Variants in ARHGAP10 observed in about 807,000 individuals in gnomAD.
ARHGAP10 encodes the protein Rho GTPase activating protein 10.
In ARHGAP10, 87 loss-of-function variants were observed where a neutral mutation model predicts 108.6. The ratio of observed to expected loss-of-function variants is 0.80; its 90% confidence interval spans 0.67 to 0.96. The LOEUF is 0.96. ARHGAP10 is among the 40% of genes least tolerant of loss of function. ARHGAP10 has a pLI of 0.00. For synonymous variants in ARHGAP10, 347 were observed against 341.1 expected (o/e 1.02, Z -0.19); for missense variants, 939 against 954.5 (o/e 0.98, Z 0.21).
At chr4:147,939,328 C>T (rs917582025) in intron 13 of ARHGAP10, among the ~76,000 whole-genome samples, 6 of 152,152 alleles carry the variant, frequency 3.9e-5, no homozygotes, top group Non-Finnish European at 7.4e-5. Flanking sequence ...CACAGCTCCT[C>T]ACTGGACAGG....
In ARHGAP10 at chr4:147,955,211, CATTA is replaced by C. The variant is rs569756409; in HGVS notation, c.1392-99_1392-96del. Reference sequence around the variant, plus strand: ...AGGTATTCCCTAGGGAAGTTTTACACATTAATTAAGAAATGCATAACAAATTTAA... The same window carrying C: ...AGGTATTCCCTAGGGAAGTTTTACACATTAAGAAATGCATAACAAATTTAA... On this transcript the variant is annotated intron_variant, in intron 15 of 22. Coordinates refer to ENST00000336498, the MANE Select transcript of ARHGAP10 (RefSeq NM_024605.4). The C allele has an allele frequency of 1.0e-3, 1,123 of 1,093,386 alleles. 20 individuals are homozygous for C. The South Asian group carries it at 0.015, about 15-fold the overall frequency. The allele number at this position is 1,093,386 out of a possible 1,614,324, so 67.7% of individuals were successfully genotyped here. A position where few individuals can be genotyped will look rare whatever the true frequency, so the allele number is the denominator to read the frequency against.
At chr4:147,964,557 C>T (rs971320837) in intron 16 of ARHGAP10, among the ~76,000 whole-genome samples, 2 of 152,190 alleles carry the variant, frequency 1.3e-5, no homozygotes, top group African/African-American at 4.8e-5. Context: ...AACAGCCACA[C>T]TGCGAGTTCT....
intron 13 of ARHGAP10, among the ~76,000 whole-genome samples, chr4:147,938,202 G>A (rs1230400780): frequency 6.6e-6 from 1 of 152,008 alleles, no homozygotes; most frequent in Non-Finnish European, 1.5e-5. Context: ...CACATACTGA[G>A]GCCTATGGGA....
rs115533936 is a variant in ARHGAP10 at position 147,903,679 on chromosome 4, A to G, written c.1035-2959A>G. Among the ~76,000 whole-genome samples, 304 of 152,294 alleles carry G rather than the reference A, an allele frequency of 2.0e-3. 2 individuals are homozygous for G. The highest frequency in any genetic ancestry group is 7.2e-3 in the African/African-American group (300 of 41,556). ...CTGTCTCTGTAGTTTGACCTTTTCCAGAGTGTCATCTACTTGAATCACACA... is the reference window on the plus strand; with the variant it reads ...CTGTCTCTGTAGTTTGACCTTTTCCGGAGTGTCATCTACTTGAATCACACA... On this transcript the variant is annotated intron_variant, in intron 10 of 22. Transcript: ENST00000336498.
intron 10 of ARHGAP10, among the ~76,000 whole-genome samples, chr4:147,886,767 T>C (rs564445576): frequency 6.6e-6 from 1 of 152,244 alleles, no homozygotes. Flanking sequence ...TACTGTGTTT[T>C]CTTTTTCTTT....
chr4:147,890,624 C>T (rs375397993), intron 10 of ARHGAP10, among the ~76,000 whole-genome samples: 6 of 152,190 alleles, frequency 3.9e-5, no homozygotes, highest in Middle Eastern at 3.4e-3. Flanking sequence ...GTCAGGAGTT[C>T]GAAACTAGCC....
chr4:148,020,786 T>C (rs1031342202), intron 18 of ARHGAP10, among the ~76,000 whole-genome samples: 2 of 152,194 alleles, frequency 1.3e-5, no homozygotes, highest in Admixed American at 6.5e-5. Flanking sequence ...ACAGAATGAT[T>C]TGCGTTCCTT....
chr4:148,056,253 A>C (rs1034199091), intron 20 of ARHGAP10, among the ~76,000 whole-genome samples: 1 of 152,170 alleles, frequency 6.6e-6, no homozygotes, highest in Non-Finnish European at 1.5e-5. Context: ...AGTGCAGTTA[A>C]CCACTGTGGT....
chr4:147,779,202 T>C (rs1730426703), intron 1 of ARHGAP10, among the ~76,000 whole-genome samples: 1 of 152,036 alleles, frequency 6.6e-6, no homozygotes, highest in Admixed American at 6.6e-5. Flanking sequence ...ACCACTGCTG[T>C]GGGGAGCATG....
chr4:147,936,088 T>C (rs1264739423), intron 13 of ARHGAP10, among the ~76,000 whole-genome samples: 1 of 152,230 alleles, frequency 6.6e-6, no homozygotes, highest in African/African-American at 2.4e-5. Flanking sequence ...TTTTGGCTTC[T>C]ACCACTGAGG....
intron 18 of ARHGAP10, among the ~76,000 whole-genome samples, chr4:147,995,205 A>G (rs1305109533): frequency 1.3e-5 from 2 of 152,168 alleles, no homozygotes; most frequent in Non-Finnish European, 2.9e-5. Flanking sequence ...TCATTCCTCT[A>G]GGTCAGTGAT....
intron 14 of ARHGAP10, among the ~76,000 whole-genome samples, chr4:147,944,051 A>T (rs1359766137): frequency 6.6e-6 from 1 of 152,232 alleles, no homozygotes; most frequent in East Asian, 1.9e-4. Context: ...GATTTTAAAA[A>T]GGTGGTTTGC....
intron 18 of ARHGAP10, among the ~76,000 whole-genome samples, chr4:148,001,273 A>C (rs771005266): frequency 6.6e-6 from 1 of 152,076 alleles, no homozygotes; most frequent in Non-Finnish European, 1.5e-5. Context: ...ATTGGTCTGT[A>C]TCTCTGTTTT....
In ARHGAP10 at chr4:147,881,835, C is replaced by T. The variant is rs1488236304; in HGVS notation, c.940-3C>T. The T allele has an allele frequency of 6.2e-7, 1 of 1,612,888 alleles. No homozygotes were observed. On this transcript the variant is annotated splice_polypyrimidine_tract_variant and splice_region_variant and intron_variant, in intron 9 of 22. Transcript: ENST00000336498. ...TGAGAATGTTCAAAATGATTATTTG[C>T]AGGGGGACGGAGAGGTGTTCTTTTT...
At chr4:147,921,532 G>A (rs1448706410) in intron 13 of ARHGAP10, among the ~76,000 whole-genome samples, 1 of 152,010 alleles carries the variant, frequency 6.6e-6, no homozygotes, top group Non-Finnish European at 1.5e-5. Flanking sequence ...CTGGGTCATG[G>A]TGCCATATAG....
rs1194600986 is a variant in ARHGAP10 at position 147,732,308 on chromosome 4, C to T, written c.7C>T (p.Leu3=). MG[L]QPLEFSDCYL... Reference sequence around the variant, plus strand: ...CGCAGCGACCGCTGCCGTCATGGGGCTGCAGCCCCTGGAGTTCAGCGACTG... The same window carrying T: ...CGCAGCGACCGCTGCCGTCATGGGGTTGCAGCCCCTGGAGTTCAGCGACTG... Residue 3 remains leucine (L), a synonymous_variant, in exon 1 of 23, where the codon CTG becomes TTG. Coordinates refer to ENST00000336498, the MANE Select transcript of ARHGAP10 (RefSeq NM_024605.4). 6.2e-6 allele frequency: 10 copies of T among 1,610,426 alleles called. No individual in the cohort carries two copies. The highest frequency in any genetic ancestry group is 3.3e-5 in the Admixed American group (2 of 59,836).
chr4:147,816,893 G>C (rs899687352), intron 1 of ARHGAP10, among the ~76,000 whole-genome samples: 3 of 152,124 alleles, frequency 2.0e-5, no homozygotes, highest in Admixed American at 6.5e-5. Flanking sequence ...TAAATTCTTA[G>C]AGTCTGTACC....
At chr4:147,875,313 C>G (rs7663294) in intron 8 of ARHGAP10, among the ~76,000 whole-genome samples, 163 bp downstream of exon 8, 125,864 of 152,168 alleles carry the variant, frequency 0.83, 56,357 homozygotes, top group Non-Finnish European at 0.99. Context: ...TTAGGAGAAA[C>G]ACATTCCAGC....
intron 13 of ARHGAP10, among the ~76,000 whole-genome samples, chr4:147,937,169 T>C (rs1283100546): frequency 6.6e-6 from 1 of 152,106 alleles, no homozygotes; most frequent in Non-Finnish European, 1.5e-5. Flanking sequence ...TAGAAATCAA[T>C]TTTCTCACAA....
Sources: allele counts gnomAD v4.1 joint callset (sites outside exome capture counted in the v4.1 genomes callset), GRCh38; gene constraint gnomAD v4.1.1; transcripts MANE v1.5; gene names NCBI Gene and HGNC (gene_info 2026-07-23, HGNC 2026-07-21).